The following IL17RA variants were observed in gnomAD, a reference collection of about 807,000 sequenced individuals.
The protein encoded by IL17RA is interleukin 17 receptor A.
A neutral mutation model predicts 50.4 loss-of-function variants in IL17RA; 34 were observed. That is an observed-to-expected ratio of 0.67 (90% CI 0.51 to 0.90). The LOEUF is 0.90. IL17RA is among the 40% of genes least tolerant of loss of function. The pLI, the probability that IL17RA is intolerant of heterozygous loss-of-function variation, is 0.00. For missense variants in IL17RA, 1,276 were observed against 1,169.8 expected (o/e 1.09, Z -1.32); for synonymous variants, 585 against 510.4 (o/e 1.15, Z -1.97).
At chr22:17,103,344 T>G in intron 7 of IL17RA, 150 bp from the exon 8 acceptor site, 1 of 689,562 alleles carries the variant, frequency 1.5e-6, no homozygotes, top group Non-Finnish European at 2.6e-6. Context: ...CGGAGTTTTT[T>G]TCTGGAATAG....
In IL17RA at chr22:17,109,629, C is replaced by G. The variant is rs759638833; in HGVS notation, c.2410C>G (p.Pro804Ala). ...CTACATCTCCAGGAGCTCCCCGCAGCCCCCCGAGGGACTCACGGAAATGGA... is the reference window on the plus strand; with the variant it reads ...CTACATCTCCAGGAGCTCCCCGCAGGCCCCCGAGGGACTCACGGAAATGGA... The part of the protein sequence containing the change: ...QGYISRSSPQ[P>A]PEGLTEMEEE... The change falls in exon 13 of 13, where the codon CCC becomes GCC. Residue 804 changes from proline to alanine, a missense_variant. By Grantham distance (27) the Pro-to-Ala change is conservative (BLOSUM62 -1). Transcript: ENST00000319363. 6.2e-7 allele frequency: 1 copy of G among 1,608,162 alleles called. No individual in the cohort carries two copies. The highest frequency in any genetic ancestry group is 1.3e-5 in the African/African-American group (1 of 74,856).
intron 1 of IL17RA, among the ~76,000 whole-genome samples, chr22:17,086,534 G>A (rs1229311990): frequency 6.6e-6 from 1 of 152,126 alleles, no homozygotes; most frequent in African/African-American, 2.4e-5. Context: ...GACAGCCATT[G>A]GTCAGGTGCC....
intron 6 of IL17RA, 25 bp from the exon 7 acceptor site, chr22:17,102,114 C>A (rs747027956): frequency 6.2e-6 from 10 of 1,614,178 alleles, no homozygotes; most frequent in South Asian, 1.1e-5. Context: ...TCCTCACTCC[C>A]AGCCTGCGTG....
At chr22:17,104,835 G>A (rs2061407645) in intron 9 of IL17RA, 25 bp downstream of exon 9, 1 of 1,609,852 alleles carries the variant, frequency 6.2e-7, no homozygotes, top group Non-Finnish European at 8.5e-7. Flanking sequence ...GCTGTCCTAG[G>A]CCATACTGGG....
In IL17RA at chr22:17,108,966, G is replaced by T; in HGVS notation, c.1747G>T (p.Asp583Tyr). The part of the protein sequence containing the change: ...RFRDWQVRCP[D>Y]WFECENLYSA... Reference sequence around the variant, plus strand: ...CCGGGACTGGCAGGTCCGCTGTCCCGACTGGTTCGAATGTGAGAACCTCTA... The same window carrying T: ...CCGGGACTGGCAGGTCCGCTGTCCCTACTGGTTCGAATGTGAGAACCTCTA... Residue 583 changes from aspartate (D) to tyrosine (Y), a missense_variant, in exon 13 of 13, where the codon GAC (aspartate) becomes TAC (tyrosine). Coordinates refer to ENST00000319363, the MANE Select transcript of IL17RA (RefSeq NM_014339.7). The T allele has an allele frequency of 6.2e-7, 1 of 1,605,578 alleles. No individual in the cohort carries two copies.
In IL17RA at chr22:17,110,220, G is replaced by A. The variant is rs574394157; in HGVS notation, c.*400G>A. ...ACACGTTAAACGAACAGGATGGGCCGGGCACGGTGGCTCACGCCTGTAATC... is the reference window on the plus strand; with the variant it reads ...ACACGTTAAACGAACAGGATGGGCCAGGCACGGTGGCTCACGCCTGTAATC... On this transcript the variant is annotated 3_prime_UTR_variant, in exon 13 of 13. Transcript: ENST00000319363. The A allele has an allele frequency of 2.6e-4, 77 of 299,484 alleles. No individual in the cohort carries two copies. The highest frequency in any genetic ancestry group is 2.0e-3 in the Admixed American group (39 of 19,822). The allele number at this position is 299,484 out of a possible 1,614,324, so 18.6% of individuals were successfully genotyped here. A position where few individuals can be genotyped will look rare whatever the true frequency, so the allele number is the denominator to read the frequency against.
intron 11 of IL17RA, among the ~76,000 whole-genome samples, chr22:17,107,519 G>A (rs1248362783): frequency 6.6e-6 from 1 of 152,214 alleles, no homozygotes; most frequent in East Asian, 1.9e-4. Flanking sequence ...GCATTTCAGA[G>A]GCACTAGTAA....
At chr22:17,099,381 C>T (rs1012512408) in intron 4 of IL17RA, among the ~76,000 whole-genome samples, 3 of 152,076 alleles carry the variant, frequency 2.0e-5, no homozygotes, top group Non-Finnish European at 4.4e-5. Context: ...AATGTTGATT[C>T]TTGTTTAAGT....
Position 17,109,450 on chromosome 22 carries a change from T to C in IL17RA, c.2231T>C (p.Val744Ala). The stretch of plus-strand genomic sequence containing the variant: ...TCTCCTGACCTCCTTCCAGAGGACG[T>C]GAGGGAGCACCTCGAAGGCTTGATG... ...MASPDLLPED[V>A]REHLEGLMLS... The change falls in exon 13 of 13, where the codon GTG becomes GCG. Residue 744 changes from valine (V) to alanine (A), a missense_variant. Val to Ala is a moderately conservative substitution (Grantham distance 64, BLOSUM62 0). Coordinates refer to ENST00000319363, the MANE Select transcript of IL17RA (RefSeq NM_014339.7). The C allele has an allele frequency of 6.2e-7, 1 of 1,613,272 alleles. No homozygotes were observed. Among genetic ancestry groups the C allele is most frequent in the African/African-American group, 1.3e-5 (1 of 75,038 alleles).
chr22:17,098,947 G>T (rs1270720985), intron 4 of IL17RA, 60 bp downstream of exon 4: 1 of 1,388,322 alleles, frequency 7.2e-7, no homozygotes, highest in African/African-American at 1.4e-5. Context: ...CAGACTTCTT[G>T]TCCCCAAATT....
chr22:17,098,912 T>A, intron 4 of IL17RA, 25 bp downstream of exon 4: 2 of 1,539,886 alleles, frequency 1.3e-6, no homozygotes, highest in Non-Finnish European at 1.8e-6. Context: ...CCTGAGTGGA[T>A]TATGTTCCAC....
At position 17,103,218 on chromosome 22, in the gene IL17RA, C is replaced by G. The variant is rs1384523610; in HGVS notation, c.763-276C>G. ...ACGTGTGCTGTGTGGTTCTGTACAACTGGTGTCCATGAACACAGATTTGTT... is the reference window on the plus strand; with the variant it reads ...ACGTGTGCTGTGTGGTTCTGTACAAGTGGTGTCCATGAACACAGATTTGTT... On this transcript the variant is annotated intron_variant, in intron 7 of 12. Transcript: ENST00000319363. Among the ~76,000 whole-genome samples the G allele has an allele frequency of 3.3e-5, 5 of 152,198 alleles. No individual in the cohort carries two copies. The East Asian group carries it at 9.6e-4, about 29-fold the overall frequency.
At chr22:17,096,989 G>A in intron 1 of IL17RA, 73 bp from the exon 2 acceptor site, 2 of 1,355,766 alleles carry the variant, frequency 1.5e-6, no homozygotes, top group Non-Finnish European at 1.1e-6. Context: ...ATGAGCCAGT[G>A]GAGAGCATCT....
At position 17,102,037 on chromosome 22, in the gene IL17RA, A is replaced by C; in HGVS notation, c.592A>C (p.Ser198Arg). 1 of 1,614,188 alleles carries C rather than the reference A, an allele frequency of 6.2e-7. No individual in the cohort carries two copies. Among genetic ancestry groups the C allele is most frequent in the South Asian group, 1.1e-5 (1 of 91,082 alleles). ...ARMKVTTPCM[S>R]SGSLWDPNIT... ...GATGAAGGTAACCACGCCATGCATGAGCTCAGGTAACAGCTGGCCCGGGAG... is the reference window on the plus strand; with the variant it reads ...GATGAAGGTAACCACGCCATGCATGCGCTCAGGTAACAGCTGGCCCGGGAG... Residue 198 changes from serine to arginine, a missense_variant, in exon 6 of 13, where the codon AGC becomes CGC. By Grantham distance (110) the Ser-to-Arg change is moderately radical. Transcript: ENST00000319363.
At position 17,111,418 on chromosome 22, in the gene IL17RA, T is replaced by G. The variant is rs1296418961; in HGVS notation, c.*1598T>G. 3 of 152,050 alleles carry G rather than the reference T, an allele frequency of 2.0e-5. No homozygotes were observed. Among genetic ancestry groups the G allele is most frequent in the Non-Finnish European group, 4.4e-5 (3 of 68,000 alleles). The allele number at this position is 152,050 out of a possible 1,614,324, so 9.4% of individuals were successfully genotyped here. On this transcript the variant is annotated 3_prime_UTR_variant, in exon 13 of 13. Transcript: ENST00000319363. ...GGGCAAGGAAATGAGGGGTGGTGGG[T>G]CAGTGAAGATCTGGGCAGACCTTGT... is the stretch of plus-strand genomic sequence containing the variant.
chr22:17,113,123 T>G lies in IL17RA; in HGVS notation c.*3303T>G, dbSNP rs1269334119. ...GGTGTTCGGTCTCTGAAACATCCAT[T>G]CAGCAGTTTGAGCTGGGATCTCTGA... On this transcript the variant is annotated 3_prime_UTR_variant, in exon 13 of 13. Coordinates refer to ENST00000319363, the MANE Select transcript of IL17RA (RefSeq NM_014339.7). The G allele has an allele frequency of 6.6e-6, 1 of 152,164 alleles. No homozygotes were observed. The highest frequency in any genetic ancestry group is 1.5e-5 in the Non-Finnish European group (1 of 68,034). 9.4% of individuals were successfully genotyped at this position (152,164 alleles called of 1,614,324 possible). A position where few individuals can be genotyped will look rare whatever the true frequency, so the allele number is the denominator to read the frequency against.
At chr22:17,092,654 G>A (rs769048673) in intron 1 of IL17RA, among the ~76,000 whole-genome samples, 3 of 152,080 alleles carry the variant, frequency 2.0e-5, no homozygotes, top group Admixed American at 6.6e-5. Context: ...GTGATGTGAG[G>A]GCAGAGGAAA....
rs1026602660 is a variant in IL17RA, at chr22:17,085,176, G to T, written c.85G>T (p.Gly29Cys). ...LLLLLGVLAP[G>C]GASLRLLDHR... ...GCTGCTCCTGGGCGTGCTGGCCCCGGGTGGCGCCTCCCTGCGACTCCTGGA... is the reference window on the plus strand; with the variant it reads ...GCTGCTCCTGGGCGTGCTGGCCCCGTGTGGCGCCTCCCTGCGACTCCTGGA... The change falls in exon 1 of 13, where the codon GGT becomes TGT. Residue 29 changes from glycine to cysteine, a missense_variant. Gly to Cys is a radical substitution (Grantham distance 159). Transcript: ENST00000319363. 3 of 1,525,980 alleles carry T rather than the reference G, an allele frequency of 2.0e-6. No individual in the cohort carries two copies. Among genetic ancestry groups the T allele is most frequent in the Non-Finnish European group, 1.8e-6 (2 of 1,142,008 alleles). 94.5% of individuals were successfully genotyped at this position (1,525,980 alleles called of 1,614,324 possible). A position where few individuals can be genotyped will look rare whatever the true frequency, so the allele number is the denominator to read the frequency against.
intron 3 of IL17RA, among the ~76,000 whole-genome samples, chr22:17,098,292 GC>G: frequency 6.6e-6 from 1 of 152,186 alleles, no homozygotes; most frequent in Non-Finnish European, 1.5e-5. Context: ...GAATTTAGGG[GC>G]CAGCACTTTT....
Sources: allele counts gnomAD v4.1 joint callset (sites outside exome capture counted in the v4.1 genomes callset), GRCh38; gene constraint gnomAD v4.1.1; transcripts MANE v1.5; gene names NCBI Gene and HGNC (gene_info 2026-07-23, HGNC 2026-07-21).